SENP6: variants seen among roughly 807,000 people sequenced by gnomAD.
SENP6 encodes SUMO specific peptidase 6, also known as sentrin-specific protease 6.
In SENP6, 41 loss-of-function variants were observed where a neutral mutation model predicts 134.5. The observed-to-expected ratio is 0.30, with a 90% CI of 0.24 to 0.40. SENP6 has a LOEUF of 0.40. Among genes scored for constraint, SENP6 ranks in the 10% least tolerant of loss-of-function variants. SENP6 has a pLI of 1.00. For synonymous variants in SENP6, 395 were observed against 429.8 expected (o/e 0.92, Z 1.00); for missense variants, 1,248 against 1,312.5 (o/e 0.95, Z 0.76).
chr6:75,640,657 T>A (rs369559897), intron 5 of SENP6, 27 bp from the exon 6 acceptor site: 798 of 1,501,108 alleles, frequency 5.3e-4, no homozygotes, highest in Non-Finnish European at 7.0e-4. Flanking sequence ...TTGCCTCTTA[T>A]ATTTTTTTTC....
intron 7 of SENP6, among the ~76,000 whole-genome samples, chr6:75,649,410 T>C (rs1770697035): frequency 6.6e-6 from 1 of 152,220 alleles, no homozygotes; most frequent in African/African-American, 2.4e-5. Context: ...ACCAATAATT[T>C]TTAAAGTTTA....
intron 16 of SENP6, among the ~76,000 whole-genome samples, chr6:75,684,028 A>G (rs1773651245): frequency 6.6e-6 from 1 of 152,196 alleles, no homozygotes; most frequent in South Asian, 2.1e-4. Flanking sequence ...CCTATCCATG[A>G]GAATGGAATA....
chr6:75,602,875 T>G (rs1766742226), intron 1 of SENP6, among the ~76,000 whole-genome samples: 1 of 152,196 alleles, frequency 6.6e-6, no homozygotes, highest in Admixed American at 6.5e-5. Context: ...TAAAAAATTT[T>G]GGGGTGGTGG....
chr6:75,689,195 C>T (rs1774060788), intron 16 of SENP6, among the ~76,000 whole-genome samples: 1 of 152,182 alleles, frequency 6.6e-6, no homozygotes, highest in South Asian at 2.1e-4. Flanking sequence ...TTACACACCA[C>T]TGTACTCCAA....
intron 1 of SENP6, chr6:75,611,850 A>C (rs1267086707): frequency 1.3e-5 from 2 of 152,232 alleles, no homozygotes; most frequent in Non-Finnish European, 2.9e-5. Flanking sequence ...TGAACTGACT[A>C]TGCTATCATC....
intron 16 of SENP6, among the ~76,000 whole-genome samples, chr6:75,688,969 G>A (rs988186227): frequency 2.0e-5 from 3 of 152,210 alleles, no homozygotes; most frequent in African/African-American, 7.2e-5. Flanking sequence ...GGGAGGCTGA[G>A]GCAGGAGAAT....
Position 75,677,131 on chromosome 6 carries a change from A to C in SENP6, c.1723A>C (p.Asn575His), listed in dbSNP as rs1773140862. 1 of 1,610,772 alleles carries C rather than the reference A, an allele frequency of 6.2e-7. No individual in the cohort carries two copies. The highest frequency in any genetic ancestry group is 8.5e-7 in the Non-Finnish European group (1 of 1,177,484). ...CATTAATGAAATTGGTATAAAGAAT[A>C]ACATCTCCAATTTTTTTGCGAAAAT... ...SIINEIGIKN[N>H]ISNFFAKIPF... is the part of the protein sequence containing the mutation. Residue 575 changes from asparagine to histidine, a missense_variant, in exon 14 of 24, where the codon AAC becomes CAC. By Grantham distance (68) the Asn-to-His change is moderately conservative (BLOSUM62 1). Around this residue, in one of 3 missense-constraint regions of SENP6, gnomAD observed 733 missense variants for 725.4 expected, o/e 1.01. Coordinates refer to ENST00000447266, the MANE Select transcript of SENP6 (RefSeq NM_015571.4).
chr6:75,654,615 A>G (rs1771169934), intron 7 of SENP6, among the ~76,000 whole-genome samples: 2 of 152,256 alleles, frequency 1.3e-5, no homozygotes, highest in Non-Finnish European at 2.9e-5. Context: ...CCATTTTTCT[A>G]GTTTGTCTTT....
At chr6:75,651,296 CATTATGTA>C in intron 7 of SENP6, among the ~76,000 whole-genome samples, 1 of 152,178 alleles carries the variant, frequency 6.6e-6, no homozygotes, top group East Asian at 1.9e-4. Context: ...CATGTAATTA[CATTATGTA>C]ATTACAACTC....
chr6:75,701,620 A>G (rs1775032868), intron 18 of SENP6, among the ~76,000 whole-genome samples: 1 of 149,892 alleles, frequency 6.7e-6, no homozygotes, highest in Non-Finnish European at 1.5e-5. Context: ...TAGACTGCTG[A>G]AGACAGTTTA....
chr6:75,690,158 A>G (rs1489275255), intron 16 of SENP6, among the ~76,000 whole-genome samples: 2 of 152,058 alleles, frequency 1.3e-5, no homozygotes, highest in East Asian at 1.9e-4. Context: ...CAGTCCTCCT[A>G]CCTTGGCTTC....
intron 5 of SENP6, among the ~76,000 whole-genome samples, chr6:75,639,739 C>A (rs1387127556): frequency 6.6e-6 from 1 of 151,956 alleles, no homozygotes; most frequent in Admixed American, 6.6e-5. Flanking sequence ...GATAAGAAGC[C>A]AAGATTTTAA....
intron 7 of SENP6, among the ~76,000 whole-genome samples, chr6:75,649,930 C>G (rs1324491581): frequency 2.0e-5 from 3 of 152,130 alleles, no homozygotes; most frequent in African/African-American, 7.2e-5. Flanking sequence ...TTATAATCCT[C>G]GTACACTTAG....
intron 1 of SENP6, among the ~76,000 whole-genome samples, chr6:75,617,079 A>G (rs1767905095): frequency 6.6e-6 from 1 of 151,732 alleles, no homozygotes; most frequent in African/African-American, 2.4e-5. Flanking sequence ...GGATTTTGTC[A>G]TGTTGCCCAG....
At chr6:75,649,267 A>G (rs1019737919) in intron 7 of SENP6, among the ~76,000 whole-genome samples, 2 of 152,084 alleles carry the variant, frequency 1.3e-5, no homozygotes, top group Non-Finnish European at 2.9e-5. Flanking sequence ...GTGAGCCGAG[A>G]TCGCATCACT....
chr6:75,673,168 G>C (rs1027915763), intron 11 of SENP6, among the ~76,000 whole-genome samples: 5 of 152,008 alleles, frequency 3.3e-5, no homozygotes, highest in African/African-American at 9.7e-5. Flanking sequence ...TTAAAAGCAA[G>C]TGCTTTTTTA....
At chr6:75,602,670 G>T in intron 1 of SENP6, 94 bp downstream of exon 1, 1 of 1,292,694 alleles carries the variant, frequency 7.7e-7, no homozygotes. Context: ...TGCGCTGGGT[G>T]GGTTTCGGGG....
At chr6:75,664,114 T>C (rs1341305236) in intron 9 of SENP6, among the ~76,000 whole-genome samples, 1 of 152,060 alleles carries the variant, frequency 6.6e-6, no homozygotes, top group African/African-American at 2.4e-5. Flanking sequence ...GATAAGAGTG[T>C]ATACTGTGGA....
At chr6:75,681,287 C>T (rs528783667) in intron 16 of SENP6, among the ~76,000 whole-genome samples, 8 of 152,048 alleles carry the variant, frequency 5.3e-5, no homozygotes, top group Non-Finnish European at 8.8e-5. Flanking sequence ...AGCACCTCCC[C>T]CTTTGCTCTC....
Sources: allele counts gnomAD v4.1 joint callset (sites outside exome capture counted in the v4.1 genomes callset), GRCh38; gene constraint gnomAD v4.1.1; regional missense constraint gnomAD v4.1.1; transcripts MANE v1.5; gene names NCBI Gene and HGNC (gene_info 2026-07-23, HGNC 2026-07-21).